CORO2A: variants seen among roughly 807,000 people sequenced by gnomAD.
CORO2A encodes coronin-2A.
In CORO2A, 47 loss-of-function variants were observed where a neutral mutation model predicts 62.4. That is an observed-to-expected ratio of 0.75 (90% CI 0.60 to 0.96). The LOEUF is 0.96. Ranked by LOEUF, CORO2A falls within the 40% of genes least tolerant of loss-of-function variation. The pLI is 0.00. For missense variants in CORO2A, 610 were observed against 684.1 expected (o/e 0.89, Z 1.21); for synonymous variants, 273 against 268.9 (o/e 1.02, Z -0.15).
At position 98,122,258 on chromosome 9, in the gene CORO2A, A is replaced by G. The variant is rs981688707; in HGVS notation, c.*2516T>C. On this transcript the variant is annotated 3_prime_UTR_variant, in exon 12 of 12. Transcript: ENST00000375077. ...CAGTCTTCCATCTTCACTGTACTGC[A>G]GATCACCTGTGGAGCTTATATGACC... The G allele has an allele frequency of 6.6e-6, 1 of 152,214 alleles. No homozygotes were observed. The highest frequency in any genetic ancestry group is 2.4e-5 in the African/African-American group (1 of 41,444). The allele number at this position is 152,214 out of a possible 1,614,324, so 9.4% of individuals were successfully genotyped here.
chr9:98,132,084 T>C, intron 6 of CORO2A, 101 bp downstream of exon 6: 1 of 915,624 alleles, frequency 1.1e-6, no homozygotes. Flanking sequence ...CTACGCTAAA[T>C]GTGTGTGTCA....
chr9:98,184,794 C>T (rs1007271345), intron 1 of CORO2A, among the ~76,000 whole-genome samples: 11 of 152,260 alleles, frequency 7.2e-5, no homozygotes, highest in Middle Eastern at 3.4e-3. Context: ...TGTCTCTGTC[C>T]GATTTGATTG....
intron 1 of CORO2A, among the ~76,000 whole-genome samples, chr9:98,181,271 C>T (rs1003946598): frequency 2.6e-5 from 4 of 151,970 alleles, no homozygotes; most frequent in African/African-American, 9.7e-5. Context: ...CTTCTTGTAC[C>T]CAATGCCAAT....
chr9:98,187,054 C>T (rs1207181050), intron 1 of CORO2A, among the ~76,000 whole-genome samples: 1 of 151,964 alleles, frequency 6.6e-6, no homozygotes, highest in Non-Finnish European at 1.5e-5. Context: ...CTGAGGGGGG[C>T]AGATCATGAG....
In CORO2A at chr9:98,133,279, C is replaced by T; in HGVS notation, c.469-62G>A. 3.3e-6 allele frequency: 5 copies of T among 1,530,896 alleles called. No individual in the cohort carries two copies. The Admixed American group carries it at 8.7e-5, about 27-fold the overall frequency. The allele number at this position is 1,530,896 out of a possible 1,614,324, so 94.8% of individuals were successfully genotyped here. A position where few individuals can be genotyped will look rare whatever the true frequency, so the allele number is the denominator to read the frequency against. On this transcript the variant is annotated intron_variant, in intron 4 of 11. Coordinates refer to ENST00000375077, the MANE Select transcript of CORO2A (RefSeq NM_052820.4). Reference sequence around the variant, plus strand: ...ACCTTGCCCCTGGGCCTCATAGTTACATGCTGGCCAGGATGCAGTGAAACA... The same window carrying T: ...ACCTTGCCCCTGGGCCTCATAGTTATATGCTGGCCAGGATGCAGTGAAACA...
Position 98,170,752 on chromosome 9 carries a change from A to G in CORO2A, c.1-13092T>C, listed in dbSNP as rs139520412. Among the ~76,000 whole-genome samples the G allele has an allele frequency of 3.3e-3, 506 of 152,166 alleles. 3 individuals are homozygous for G. Among genetic ancestry groups the G allele is most frequent in the African/African-American group, 0.012 (489 of 41,522 alleles). On this transcript the variant is annotated intron_variant, in intron 1 of 11. Coordinates refer to ENST00000375077, the MANE Select transcript of CORO2A (RefSeq NM_052820.4). ...GCCACTGAGCCTGGCCGAGAATCCT[A>G]ATTCTGACACCAATTCGCTCCGTCA...
Position 98,132,286 on chromosome 9 carries a change from C to T in CORO2A, c.664G>A (p.Gly222Arg). ...GTVLQEASYK[G>R]HRASKVLFLG... Reference sequence around the variant, plus strand: ...AACAGCACTTTGCTGGCCCGGTGCCCTTTGTAGCTGGCCTCCTGGAGGGAC... The same window carrying T: ...AACAGCACTTTGCTGGCCCGGTGCCTTTTGTAGCTGGCCTCCTGGAGGGAC... Residue 222 changes from glycine to arginine, a missense_variant, in exon 6 of 12, where the codon GGG becomes AGG. By Grantham distance (125) the Gly-to-Arg change is moderately radical. Transcript: ENST00000375077. The T allele has an allele frequency of 1.9e-6, 3 of 1,613,976 alleles. No homozygotes were observed. The highest frequency in any genetic ancestry group is 2.5e-6 in the Non-Finnish European group (3 of 1,179,936).
chr9:98,126,223 A>G (rs958182414), intron 11 of CORO2A, among the ~76,000 whole-genome samples: 1 of 150,922 alleles, frequency 6.6e-6, no homozygotes, highest in Non-Finnish European at 1.5e-5. Flanking sequence ...TTTAGTAGAG[A>G]TGGGGTTTCA....
At chr9:98,184,045 A>C (rs574335567) in intron 1 of CORO2A, among the ~76,000 whole-genome samples, 1 of 152,340 alleles carries the variant, frequency 6.6e-6, no homozygotes, top group East Asian at 1.9e-4. Context: ...GATGACTTAA[A>C]GTATACAGGA....
intron 2 of CORO2A, among the ~76,000 whole-genome samples, chr9:98,148,502 G>T (rs944988242): frequency 1.3e-5 from 2 of 150,558 alleles, no homozygotes; most frequent in South Asian, 2.1e-4. Flanking sequence ...AATTCCAGAA[G>T]TTTGGGGTGG....
At chr9:98,153,765 A>T (rs1476419374) in intron 2 of CORO2A, among the ~76,000 whole-genome samples, 1 of 151,922 alleles carries the variant, frequency 6.6e-6, no homozygotes, top group Non-Finnish European at 1.5e-5. Context: ...GAATTAGTTC[A>T]GTTTTATTTG....
intron 2 of CORO2A, among the ~76,000 whole-genome samples, chr9:98,155,080 T>C (rs1302052436): frequency 1.3e-5 from 2 of 152,196 alleles, no homozygotes; most frequent in African/African-American, 4.8e-5. Flanking sequence ...CTTGCTGTCA[T>C]TTACTAGTGT....
intron 2 of CORO2A, among the ~76,000 whole-genome samples, chr9:98,156,612 T>C (rs1357202514): frequency 1.3e-5 from 2 of 152,248 alleles, no homozygotes; most frequent in African/African-American, 4.8e-5. Context: ...TCAATTGCAT[T>C]GTGTTCAGGA....
intron 11 of CORO2A, among the ~76,000 whole-genome samples, chr9:98,125,386 A>G (rs758493030): frequency 2.6e-5 from 4 of 152,122 alleles, no homozygotes; most frequent in African/African-American, 4.8e-5. Flanking sequence ...TAGTGTCCCC[A>G]CCGTACCACC....
chr9:98,187,659 G>A (rs1208183953), intron 1 of CORO2A, among the ~76,000 whole-genome samples: 1 of 152,042 alleles, frequency 6.6e-6, no homozygotes, highest in East Asian at 1.9e-4. Context: ...TCTTTTATAA[G>A]AACACTAATC....
rs761618756 is a variant in CORO2A at position 98,157,524 on chromosome 9, TG to T, written c.136del (p.His46ThrfsTer6). ...HDNHFCAVNPHFIAVVTECAG... is the reference protein window; with the variant it reads ...HDNHFCAVNPXFIAVVTECAG... Reference sequence around the variant, plus strand: ...ACACTCAGTCACAACTGCAATGAAGTGGGGGTTCACGGCACAGAAGTGGTTG... The same window carrying T: ...ACACTCAGTCACAACTGCAATGAAGTGGGGTTCACGGCACAGAAGTGGTTG... On this transcript the variant is annotated frameshift_variant, in exon 2 of 12. Transcript: ENST00000375077. LOFTEE classifies it high-confidence loss of function. 2.8e-5 allele frequency: 45 copies of T among 1,613,982 alleles called. No individual in the cohort carries two copies. The highest frequency in any genetic ancestry group is 3.8e-5 in the Non-Finnish European group (45 of 1,180,032).
At chr9:98,165,744 A>G (rs770686346) in intron 1 of CORO2A, among the ~76,000 whole-genome samples, 5 of 152,256 alleles carry the variant, frequency 3.3e-5, no homozygotes, top group Non-Finnish European at 4.4e-5. Context: ...GTTAGGAGCA[A>G]GGATAACAGA....
At chr9:98,162,842 T>A (rs1382432262) in intron 1 of CORO2A, among the ~76,000 whole-genome samples, 1 of 152,206 alleles carries the variant, frequency 6.6e-6, no homozygotes, top group Non-Finnish European at 1.5e-5. Flanking sequence ...AGGAGTTCAT[T>A]TTCCCTACAA....
intron 1 of CORO2A, among the ~76,000 whole-genome samples, chr9:98,183,368 T>A (rs1828200893): frequency 6.6e-6 from 1 of 152,204 alleles, no homozygotes; most frequent in Non-Finnish European, 1.5e-5. Context: ...TGTGACTCCA[T>A]CAAGCCATCC....
Sources: allele counts gnomAD v4.1 joint callset (sites outside exome capture counted in the v4.1 genomes callset), GRCh38; gene constraint gnomAD v4.1.1; transcripts MANE v1.5; gene names NCBI Gene and HGNC (gene_info 2026-07-23, HGNC 2026-07-21).